RAD51B: variants seen among roughly 807,000 people sequenced by gnomAD.
The protein encoded by RAD51B is RAD51 paralog B, also known as DNA repair protein RAD51 homolog 2.
A neutral mutation model predicts 42.2 loss-of-function variants in RAD51B; 38 were observed. That is an observed-to-expected ratio of 0.90 (90% CI 0.70 to 1.18). The LOEUF (loss-of-function observed/expected upper bound fraction) is 1.18, where lower values mean the gene tolerates loss of function less well. RAD51B is among the 50% of genes most tolerant of loss of function. The pLI, the probability that RAD51B is intolerant of heterozygous loss-of-function variation, is 0.00. For missense variants in RAD51B, 373 were observed against 400.7 expected, an observed-to-expected ratio of 0.93 and a Z score of 0.59; for synonymous variants, 154 against 145.2, an observed-to-expected ratio of 1.06 and a Z score of -0.43.
At chr14:68,023,771 T>C (rs1009576194) in intron 7 of RAD51B, among the ~76,000 whole-genome samples, 6 of 152,206 alleles carry the variant, frequency 3.9e-5, no homozygotes, top group African/African-American at 1.4e-4. Flanking sequence ...AGTTTGTGAA[T>C]ACTCTCTCCC....
chr14:68,562,731 C>T, intron 10 of RAD51B: 1 of 985,340 alleles, frequency 1.0e-6, no homozygotes, highest in South Asian at 4.7e-5. Context: ...AGCTATTCAT[C>T]CCCCTGGTGC....
intron 7 of RAD51B, among the ~76,000 whole-genome samples, chr14:68,032,856 G>A (rs1595290352): frequency 1.3e-5 from 2 of 152,062 alleles, no homozygotes; most frequent in East Asian, 3.9e-4. Flanking sequence ...ATTACCCTGT[G>A]CATGCCCTAG....
chr14:68,396,460 AAC>A (rs1295608641), intron 8 of RAD51B, among the ~76,000 whole-genome samples: 1 of 152,240 alleles, frequency 6.6e-6, no homozygotes, highest in Admixed American at 6.5e-5. Context: ...AATGATGATT[AAC>A]ACAGCGATTC....
chr14:68,512,072 G>A (rs2842341), intron 10 of RAD51B, among the ~76,000 whole-genome samples: 66,917 of 152,092 alleles, frequency 0.44, 17,473 homozygotes, highest in Non-Finnish European at 0.58. Context: ...GGTGACTTTT[G>A]TGAGCCTGGG....
chr14:68,368,826 G>A (rs924822004), intron 8 of RAD51B, among the ~76,000 whole-genome samples: 1 of 152,212 alleles, frequency 6.6e-6, no homozygotes, highest in African/African-American at 2.4e-5. Context: ...AATTATAAAG[G>A]AGATTTGCAG....
At chr14:68,226,267 A>AAAAGGAG (rs2080037011) in intron 7 of RAD51B, among the ~76,000 whole-genome samples, 1 of 152,218 alleles carries the variant, frequency 6.6e-6, no homozygotes, top group Non-Finnish European at 1.5e-5. Flanking sequence ...AAATGGCTCA[A>AAAAGGAG]AAAGGAGTTT....
At chr14:67,936,698 A>C (rs2044966992) in intron 7 of RAD51B, among the ~76,000 whole-genome samples, 1 of 152,204 alleles carries the variant, frequency 6.6e-6, no homozygotes, top group Non-Finnish European at 1.5e-5. Context: ...TCCTACCAGC[A>C]GCGAGCTAGG....
rs374934304 is a variant in RAD51B, at chr14:68,648,004, C to CATATATATATATAT, written c.1037-2773_1037-2760dup. Among the ~76,000 whole-genome samples, 529 of 108,670 alleles carry CATATATATATATAT rather than the reference C, an allele frequency of 4.9e-3. 9 individuals are homozygous for CATATATATATATAT. Among genetic ancestry groups the CATATATATATATAT allele is most frequent in the African/African-American group, 0.013 (377 of 28,472 alleles). The allele number at this position is 108,670 out of a possible 152,430, so 71.3% of individuals were successfully genotyped here. A position where few individuals can be genotyped will look rare whatever the true frequency, so the allele number is the denominator to read the frequency against. On this transcript the variant is annotated intron_variant, in intron 10 of 11. Coordinates refer to the RAD51B transcript ENST00000488612. ...TCTGATTAGTTTTTTAAAAATTGAG[C>CATATATATATATAT]ATATATATATATATATACGTATATA...
chr14:68,053,691 AAC>A (rs2076430014), intron 7 of RAD51B, among the ~76,000 whole-genome samples: 1 of 152,194 alleles, frequency 6.6e-6, no homozygotes, highest in Admixed American at 6.5e-5. Flanking sequence ...GGTCAAGAAG[AAC>A]CTTTTAGGTT....
At chr14:68,537,799 CTTTA>C (rs141543426) in intron 10 of RAD51B, among the ~76,000 whole-genome samples, 1,564 of 151,818 alleles carry the variant, frequency 0.01, 21 homozygotes, top group African/African-American at 0.035. Context: ...CTTTTCATTT[CTTTA>C]TTTATTAGTT....
At chr14:68,296,190 A>G (rs984487714) in intron 8 of RAD51B, among the ~76,000 whole-genome samples, 2 of 152,150 alleles carry the variant, frequency 1.3e-5, no homozygotes, top group Non-Finnish European at 2.9e-5. Flanking sequence ...GGCCCTCCTT[A>G]TGATCTTAAC....
At chr14:68,060,057 T>C (rs1173027848) in intron 7 of RAD51B, among the ~76,000 whole-genome samples, 1 of 152,196 alleles carries the variant, frequency 6.6e-6, no homozygotes, top group Non-Finnish European at 1.5e-5. Context: ...GGAAGTCATG[T>C]ATATTTAGAC....
chr14:68,476,979 G>T (rs543871796), intron 10 of RAD51B, among the ~76,000 whole-genome samples: 2 of 152,256 alleles, frequency 1.3e-5, no homozygotes, highest in Non-Finnish European at 2.9e-5. Flanking sequence ...GAGAGCCCAG[G>T]TTCTTTTGTT....
chr14:68,089,380 C>T (rs1054611207), intron 7 of RAD51B, among the ~76,000 whole-genome samples: 12 of 152,074 alleles, frequency 7.9e-5, no homozygotes, highest in African/African-American at 2.4e-4. Flanking sequence ...ATAAAAGGAA[C>T]GGACCCAGCT....
At chr14:68,348,772 GC>G (rs1252520270) in intron 8 of RAD51B, among the ~76,000 whole-genome samples, 3 of 152,078 alleles carry the variant, frequency 2.0e-5, no homozygotes, top group Admixed American at 2.0e-4. Flanking sequence ...GGTGGGGGGC[GC>G]CTGTAGTCCC....
chr14:67,928,788 C>T (rs1260062691), intron 7 of RAD51B, among the ~76,000 whole-genome samples: 1 of 151,864 alleles, frequency 6.6e-6, no homozygotes, highest in Non-Finnish European at 1.5e-5. Flanking sequence ...AAATTTCCAC[C>T]GAGAACCTTT....
intron 8 of RAD51B, among the ~76,000 whole-genome samples, chr14:68,366,141 C>T (rs1188736232): frequency 6.6e-6 from 1 of 152,112 alleles, no homozygotes; most frequent in Non-Finnish European, 1.5e-5. Flanking sequence ...TTTCACAAAT[C>T]CTGAAGTGGG....
chr14:68,171,140 T>A (rs2078863595), intron 7 of RAD51B, among the ~76,000 whole-genome samples: 2 of 152,232 alleles, frequency 1.3e-5, no homozygotes, highest in African/African-American at 4.8e-5. Flanking sequence ...GAAGAGGTTC[T>A]CTTTTTCTTG....
rs187873292 is a variant in RAD51B, at chr14:68,574,653, C to T, written c.1037-19832C>T. On this transcript the variant is annotated intron_variant, in intron 10 of 10. Transcript: ENST00000487270. Reference sequence around the variant, plus strand: ...TAATGGGACAGGGACCTTGGGCCAGCGAAGCAGAAATGTATTACTGCAACA... The same window carrying T: ...TAATGGGACAGGGACCTTGGGCCAGTGAAGCAGAAATGTATTACTGCAACA... 2.1e-3 allele frequency among the ~76,000 whole-genome samples: 320 copies of T among 152,316 alleles called. 1 individual carries two copies. The highest frequency in any genetic ancestry group is 3.2e-3 in the Non-Finnish European group (221 of 68,036).
Sources: gnomAD v4.1 joint callset for allele counts (sites outside exome capture counted in the v4.1 genomes callset) on GRCh38, gnomAD v4.1.1 for gene constraint, MANE v1.5 for transcripts, NCBI Gene and HGNC (gene_info 2026-07-23, HGNC 2026-07-21) for gene names.